GPAT3: variants seen among roughly 807,000 people sequenced by gnomAD.
The protein encoded by GPAT3 is glycerol-3-phosphate acyltransferase 3.
A neutral mutation model predicts 58.8 loss-of-function variants in GPAT3; 53 were observed. That is an observed-to-expected ratio of 0.90 (90% CI 0.72 to 1.13). The LOEUF (loss-of-function observed/expected upper bound fraction) is 1.13. Among genes scored for constraint, GPAT3 ranks in the 50% most tolerant of loss-of-function variants. The probability of loss-of-function intolerance (pLI) is 0.00; values close to 1 mark genes in which losing one functional copy is unlikely to be tolerated. For synonymous variants in GPAT3, 197 were observed against 187.4 expected, an observed-to-expected ratio of 1.05 and a Z score of -0.42; for missense variants, 511 against 527.6, an observed-to-expected ratio of 0.97 and a Z score of 0.31.
At chr4:83,578,938 TTTTCTTTTCTTTTC>T (rs1455023650) in intron 2 of GPAT3, among the ~76,000 whole-genome samples, 2 of 8,064 alleles carry the variant, frequency 2.5e-4, no homozygotes, top group African/African-American at 2.0e-3. Flanking sequence ...TCTTTCTTTC[TTTTCTTTTCTTTTC>T]TTTCTTTCTT....
intron 2 of GPAT3, among the ~76,000 whole-genome samples, chr4:83,578,935 T>TCTTTCTTTCTC (rs1725926009): frequency 5.1e-4 from 1 of 1,952 alleles, no homozygotes; most frequent in Non-Finnish European, 9.1e-4. Context: ...CTTTCTTTCT[T>TCTTTCTTTCTC]TCTTTTCTTT....
Position 83,581,564 on chromosome 4 carries a change from A to G in GPAT3, c.211A>G (p.Ile71Val), listed in dbSNP as rs761361717. The change falls in exon 3 of 12, where the codon ATT (isoleucine) becomes GTT (valine). Residue 71 changes from isoleucine (I) to valine (V), a missense_variant and splice_region_variant. By Grantham distance (29) the Ile-to-Val change is conservative (BLOSUM62 3). Coordinates refer to ENST00000264409, the MANE Select transcript of GPAT3 (RefSeq NM_032717.5). ...SILKNSASVG[I>V]IQRDESPMEK... ...ATGTCCTGATGCTTTCTTTTAAGGT[A>G]TTATCCAAAGAGATGAGTCACCCAT... is the stretch of plus-strand genomic sequence containing the variant. The G allele has an allele frequency of 6.8e-6, 11 of 1,613,064 alleles. No individual in the cohort carries two copies. In the East Asian group the frequency reaches 1.8e-4, roughly 26 times the overall value.
rs1241649355 is a variant in GPAT3 at position 83,578,970 on chromosome 4, TTC to T, written c.209-2590_209-2589del. Among the ~76,000 whole-genome samples, 8 of 131,398 alleles carry T rather than the reference TTC, an allele frequency of 6.1e-5. 1 individual carries two copies. In the East Asian group the frequency reaches 1.5e-3, roughly 25 times the overall value. 86.2% of individuals were successfully genotyped at this position (131,398 alleles called of 152,430 possible). A position where few individuals can be genotyped will look rare whatever the true frequency, so the allele number is the denominator to read the frequency against. ...TTCTTTTCTTTCTTTCTTTCTTTCT[TTC>T]TTTCTTTCTTTCTTTCCTTCCTTCC... On this transcript the variant is annotated intron_variant, in intron 2 of 11. Coordinates refer to ENST00000264409, the MANE Select transcript of GPAT3 (RefSeq NM_032717.5).
chr4:83,602,241 T>G (rs1727080234), intron 11 of GPAT3, among the ~76,000 whole-genome samples: 1 of 152,154 alleles, frequency 6.6e-6, no homozygotes, highest in Non-Finnish European at 1.5e-5. Flanking sequence ...GAAGAAAGCC[T>G]TGAGAGACAA....
intron 2 of GPAT3, among the ~76,000 whole-genome samples, chr4:83,559,071 C>G (rs1196768266): frequency 6.6e-6 from 1 of 152,088 alleles, no homozygotes; most frequent in Admixed American, 6.5e-5. Context: ...GAAAACTGGA[C>G]CAGACTAGCA....
chr4:83,599,059 C>T (rs1050513019), intron 11 of GPAT3, among the ~76,000 whole-genome samples: 1 of 151,828 alleles, frequency 6.6e-6, no homozygotes, highest in Non-Finnish European at 1.5e-5. Context: ...GCTGGGATTA[C>T]AGTCATGAGC....
Position 83,536,197 on chromosome 4 carries a change from G to T in GPAT3, c.-426G>T. 1.0e-6 allele frequency: 1 copy of T among 987,722 alleles called. No individual in the cohort carries two copies. Among genetic ancestry groups the T allele is most frequent in the Non-Finnish European group, 1.2e-6 (1 of 831,522 alleles). 61.2% of individuals were successfully genotyped at this position (987,722 alleles called of 1,614,324 possible). A position where few individuals can be genotyped will look rare whatever the true frequency, so the allele number is the denominator to read the frequency against. ...GCTCCCGCAGGGAACCTGGCTCGGG[G>T]AGGGCCTCCGTGAGTCATCTGCTGA... On this transcript the variant is annotated 5_prime_UTR_variant, in exon 1 of 12. Transcript: ENST00000264409.
At chr4:83,553,498 T>C (rs539259072) in intron 2 of GPAT3, among the ~76,000 whole-genome samples, 2 of 152,268 alleles carry the variant, frequency 1.3e-5, no homozygotes, top group Admixed American at 1.3e-4. Context: ...GAAGGTCTGG[T>C]TGGTGATTTA....
chr4:83,537,556 C>CT (rs200317590), intron 1 of GPAT3, among the ~76,000 whole-genome samples: 4 of 148,196 alleles, frequency 2.7e-5, no homozygotes, highest in Non-Finnish European at 5.9e-5. Context: ...AAGCAGGAGT[C>CT]TTTTTTTAAA....
rs1188709850 is a variant in GPAT3 at position 83,605,393 on chromosome 4, T to C, written c.*626T>C. 2 of 152,242 alleles carry C rather than the reference T, an allele frequency of 1.3e-5. No homozygotes were observed. Among genetic ancestry groups the C allele is most frequent in the African/African-American group, 4.8e-5 (2 of 41,462 alleles). The allele number at this position is 152,242 out of a possible 1,614,324, so 9.4% of individuals were successfully genotyped here. A position where few individuals can be genotyped will look rare whatever the true frequency, so the allele number is the denominator to read the frequency against. On this transcript the variant is annotated 3_prime_UTR_variant, in exon 12 of 12. Coordinates refer to ENST00000264409, the MANE Select transcript of GPAT3 (RefSeq NM_032717.5). ...AAGTTAATGTGTGTGCGCATTTATA[T>C]GTAGGCAGCTCGTAGACCACATTTT...
At chr4:83,552,975 C>G (rs551751739) in intron 2 of GPAT3, among the ~76,000 whole-genome samples, 27 of 152,122 alleles carry the variant, frequency 1.8e-4, no homozygotes, top group Non-Finnish European at 2.9e-4. Flanking sequence ...AAAGAGAGCC[C>G]TCACCAGAAC....
intron 1 of GPAT3, among the ~76,000 whole-genome samples, chr4:83,541,718 C>T (rs1477118438): frequency 6.6e-6 from 1 of 152,198 alleles, no homozygotes. Flanking sequence ...CAAAGTACCA[C>T]AGACTGGTGG....
intron 2 of GPAT3, among the ~76,000 whole-genome samples, chr4:83,553,603 C>T (rs1724834086): frequency 6.6e-6 from 1 of 151,908 alleles, no homozygotes; most frequent in Non-Finnish European, 1.5e-5. Flanking sequence ...AACTGAGATT[C>T]AAAGATTATT....
intron 11 of GPAT3, among the ~76,000 whole-genome samples, chr4:83,600,810 G>A (rs774809698): frequency 2.0e-5 from 3 of 152,052 alleles, no homozygotes; most frequent in Non-Finnish European, 4.4e-5. Context: ...CCGGGAGATT[G>A]GATTCTTATT....
At chr4:83,562,185 A>ATATATATATATAATATATATATAT (rs1725155103) in intron 2 of GPAT3, among the ~76,000 whole-genome samples, 112 of 51,980 alleles carry the variant, frequency 2.2e-3, no homozygotes, top group African/African-American at 0.012. Flanking sequence ...TATATTATAT[A>ATATATATATATAATATATATATAT]TATATATATA....
Position 83,598,751 on chromosome 4 carries a change from CTTTTTTTTTTTTTTTTTTTTTT to C in GPAT3, c.1205+43_1205+64del, listed in dbSNP as rs70965361. ...AAGAGAACTTTCAGAAGTACTATCA[CTTTTTTTTTTTTTTTTTTTTTT>C]TTTTTTTTTTTTTTAGAGAATGCCT... On this transcript the variant is annotated intron_variant, in intron 11 of 11. Transcript: ENST00000264409. 4.1e-4 allele frequency: 62 copies of C among 152,454 alleles called. 1 individual carries two copies. The highest frequency in any genetic ancestry group is 2.3e-3 in the South Asian group (47 of 20,356). The allele number at this position is 152,454 out of a possible 1,614,324, so 9.4% of individuals were successfully genotyped here.
At chr4:83,581,138 T>C (rs1726108443) in intron 2 of GPAT3, among the ~76,000 whole-genome samples, 1 of 151,832 alleles carries the variant, frequency 6.6e-6, no homozygotes. Context: ...TTTTGCCATT[T>C]ATGGTGAATC....
At chr4:83,565,244 G>A (rs1425344796) in intron 2 of GPAT3, among the ~76,000 whole-genome samples, 2 of 151,808 alleles carry the variant, frequency 1.3e-5, no homozygotes, top group East Asian at 1.9e-4. Flanking sequence ...GGGATTACAG[G>A]TGCCCACCAC....
intron 5 of GPAT3, among the ~76,000 whole-genome samples, chr4:83,588,719 A>G (rs1726479821): frequency 6.6e-6 from 1 of 152,208 alleles, no homozygotes; most frequent in African/African-American, 2.4e-5. Flanking sequence ...ACAGGTCTGT[A>G]CTGTGGTGGA....
Sources: gnomAD v4.1 joint callset for allele counts (sites outside exome capture counted in the v4.1 genomes callset) on GRCh38, gnomAD v4.1.1 for gene constraint, MANE v1.5 for transcripts, NCBI Gene and HGNC (gene_info 2026-07-23, HGNC 2026-07-21) for gene names.